Variants in RGL1 observed in about 807,000 individuals in gnomAD.
RGL1 encodes ral guanine nucleotide dissociation stimulator like 1.
In RGL1, 24 loss-of-function variants were observed where a neutral mutation model predicts 95.2. That is an observed-to-expected ratio of 0.25 (90% confidence interval 0.18 to 0.35). The LOEUF (loss-of-function observed/expected upper bound fraction) is 0.35, where lower values mean the gene tolerates loss of function less well. RGL1 is among the 10% of genes least tolerant of loss of function. The probability of loss-of-function intolerance (pLI) is 1.00; values close to 1 mark genes in which losing one functional copy is unlikely to be tolerated. For synonymous variants in RGL1, 329 were observed against 344.9 expected (o/e 0.95, Z 0.51); for missense variants, 715 against 936.3 (o/e 0.76, Z 3.08).
chr1:183,727,901 G>C (rs557066810), intron 1 of RGL1, among the ~76,000 whole-genome samples: 1 of 152,260 alleles, frequency 6.6e-6, no homozygotes, highest in East Asian at 1.9e-4. Flanking sequence ...AGCTTGACTG[G>C]GCTATAGGGG....
intron 1 of RGL1, among the ~76,000 whole-genome samples, chr1:183,699,691 G>C (rs914702330): frequency 6.6e-6 from 1 of 151,890 alleles, no homozygotes; most frequent in Non-Finnish European, 1.5e-5. Flanking sequence ...GCCTGCCCCT[G>C]CCTTTTAGCC....
chr1:183,832,012 T>C (rs1472117255), intron 2 of RGL1, among the ~76,000 whole-genome samples: 2 of 152,238 alleles, frequency 1.3e-5, no homozygotes, highest in African/African-American at 2.4e-5. Context: ...CAAGCTTTAG[T>C]AGCTTGTTGG....
chr1:183,665,150 T>C (rs1438269376), intron 1 of RGL1, among the ~76,000 whole-genome samples: 1 of 152,196 alleles, frequency 6.6e-6, no homozygotes, highest in Non-Finnish European at 1.5e-5. Context: ...GGAAAAATCA[T>C]ATGATTTTTC....
At chr1:183,704,864 C>T (rs1654806777) in intron 1 of RGL1, among the ~76,000 whole-genome samples, 1 of 152,228 alleles carries the variant, frequency 6.6e-6, no homozygotes, top group African/African-American at 2.4e-5. Flanking sequence ...AGGATAGCAG[C>T]TGCCGCCAAT....
In RGL1 at chr1:183,926,208, A is replaced by C; in HGVS notation, c.2223A>C (p.Lys741Asn). ...RKKNSMEEQV[K>N]LRSRTSLTLP... ...AGAACTCCATGGAAGAACAAGTGAA[A>C]CTGCGTAGCCGGACCAGCTTGACGT... Residue 741 changes from lysine to asparagine, a missense_variant, in exon 18 of 18, where the codon AAA (lysine) becomes AAC (asparagine). Lys to Asn is a moderately conservative substitution (Grantham distance 94, BLOSUM62 0). Transcript: ENST00000360851. 6.2e-7 allele frequency: 1 copy of C among 1,614,118 alleles called. No homozygotes were observed. Among genetic ancestry groups the C allele is most frequent in the Non-Finnish European group, 8.5e-7 (1 of 1,179,992 alleles).
intron 1 of RGL1, among the ~76,000 whole-genome samples, chr1:183,650,440 G>T (rs1054944476): frequency 3.9e-5 from 6 of 152,096 alleles, no homozygotes; most frequent in African/African-American, 1.2e-4. Flanking sequence ...TTACTCGGGA[G>T]GCTGAGGCAG....
intron 1 of RGL1, among the ~76,000 whole-genome samples, chr1:183,665,626 A>C (rs1208545115): frequency 2.6e-5 from 4 of 152,182 alleles, no homozygotes; most frequent in Non-Finnish European, 4.4e-5. Context: ...GTGTCTTTCA[A>C]GGAGTTCGTC....
intron 2 of RGL1, among the ~76,000 whole-genome samples, chr1:183,798,421 G>C (rs536282641): frequency 6.6e-6 from 1 of 152,006 alleles, no homozygotes; most frequent in Non-Finnish European, 1.5e-5. Context: ...ATGAGTTTGG[G>C]GATAAGTATA....
At chr1:183,893,847 C>T (rs1319322022) in intron 9 of RGL1, among the ~76,000 whole-genome samples, 1 of 152,152 alleles carries the variant, frequency 6.6e-6, no homozygotes. Context: ...ACTTTGTATC[C>T]CTAATGCCCA....
At chr1:183,801,143 T>TGTGTGTGTG (rs1660963984), upstream of RGL1, among the ~76,000 whole-genome samples, 12 of 129,998 alleles carry the variant, frequency 9.2e-5, no homozygotes, top group African/African-American at 2.9e-4. Flanking sequence ...ACTTGTTATT[T>TGTGTGTGTG]TGTGTGTGTG....
chr1:183,916,762 C>A, intron 16 of RGL1, 61 bp downstream of exon 16: 1 of 1,566,744 alleles, frequency 6.4e-7, no homozygotes, highest in South Asian at 1.2e-5. Context: ...CTGTGTCTGT[C>A]GGCCGCTCAG....
At position 183,916,527 on chromosome 1, in the gene RGL1, C is replaced by T. The variant is rs1668982924; in HGVS notation, c.1830C>T (p.Pro610=). The T allele has an allele frequency of 1.2e-6, 2 of 1,613,880 alleles. No individual in the cohort carries two copies. The highest frequency in any genetic ancestry group is 1.7e-6 in the Non-Finnish European group (2 of 1,179,988). ...NSSGMSSLIN[P]LSSPPSCNNN... Reference sequence around the variant, plus strand: ...CAGGGATGTCTTCCTTAATCAACCCCCTCTCCTCCCCTCCGTCCTGCAACA... The same window carrying T: ...CAGGGATGTCTTCCTTAATCAACCCTCTCTCCTCCCCTCCGTCCTGCAACA... The change falls in exon 16 of 18, where the codon CCC becomes CCT. Residue 610 remains proline (P), a synonymous_variant. Transcript: ENST00000360851.
intron 2 of RGL1, among the ~76,000 whole-genome samples, chr1:183,836,848 T>A (rs1663696859): frequency 6.6e-6 from 1 of 152,142 alleles, no homozygotes; most frequent in East Asian, 1.9e-4. Context: ...AAATATTTCA[T>A]TTTGGAGGGG....
intron 2 of RGL1, among the ~76,000 whole-genome samples, chr1:183,828,266 T>C (rs1035583681): frequency 3.9e-5 from 6 of 152,234 alleles, no homozygotes; most frequent in African/African-American, 1.2e-4. Flanking sequence ...TCTAAATATT[T>C]GTCTTCAAAC....
intron 1 of RGL1, among the ~76,000 whole-genome samples, chr1:183,715,374 T>A (rs1194660077): frequency 6.6e-6 from 1 of 152,078 alleles, no homozygotes; most frequent in African/African-American, 2.4e-5. Context: ...GTTGGTGAAC[T>A]GATTGTTGGT....
At chr1:183,901,354 G>T (rs1668011225) in intron 11 of RGL1, among the ~76,000 whole-genome samples, 1 of 151,974 alleles carries the variant, frequency 6.6e-6, no homozygotes. Context: ...GGTCATGGTG[G>T]CAGGTGCCTA....
chr1:183,649,176 G>A (rs1278574536), intron 1 of RGL1, among the ~76,000 whole-genome samples: 1 of 152,176 alleles, frequency 6.6e-6, no homozygotes, highest in Non-Finnish European at 1.5e-5. Flanking sequence ...TTCCTTGTCT[G>A]TAAAATGAAG....
upstream of RGL1, among the ~76,000 whole-genome samples, chr1:183,804,130 C>A (rs934255569): frequency 5.3e-5 from 8 of 151,992 alleles, no homozygotes; most frequent in Non-Finnish European, 7.3e-5. Context: ...AAATTGTCAG[C>A]TCATGATATA....
chr1:183,909,679 A>G (rs1462653191), intron 14 of RGL1, among the ~76,000 whole-genome samples: 1 of 152,216 alleles, frequency 6.6e-6, no homozygotes, highest in Non-Finnish European at 1.5e-5. Context: ...GAATTCAAGC[A>G]TATAATTCCG....
Sources: allele counts gnomAD v4.1 joint callset (sites outside exome capture counted in the v4.1 genomes callset), GRCh38; gene constraint gnomAD v4.1.1; transcripts MANE v1.5; gene names NCBI Gene and HGNC (gene_info 2026-07-23, HGNC 2026-07-21).